TRIP12: variants seen among roughly 807,000 people sequenced by gnomAD.
TRIP12 encodes E3 ubiquitin-protein ligase TRIP12.
A neutral mutation model predicts 244.2 loss-of-function variants in TRIP12; 25 were observed. The ratio of observed to expected loss-of-function variants is 0.10; its 90% CI spans 0.07 to 0.14. The LOEUF (loss-of-function observed/expected upper bound fraction) is 0.14. Among genes scored for constraint, TRIP12 ranks in the 10% least tolerant of loss-of-function variants. TRIP12 has a pLI of 1.00. For synonymous variants in TRIP12, 905 were observed against 873.1 expected, an observed-to-expected ratio of 1.04 and a Z score of -0.64; for missense variants, 1,677 against 2,486.4, an observed-to-expected ratio of 0.67 and a Z score of 6.92.
Position 229,778,745 on chromosome 2 carries a change from A to G in TRIP12, c.5209+131T>C. The G allele has an allele frequency of 7.5e-7, 1 of 1,333,968 alleles. No individual in the cohort carries two copies. Among genetic ancestry groups the G allele is most frequent in the South Asian group, 1.4e-5 (1 of 71,966 alleles). 82.6% of individuals were successfully genotyped at this position (1,333,968 alleles called of 1,614,324 possible). Reference sequence around the variant, plus strand: ...ACTGGACAGGCCTTCCCTATTTGATAAATGAGAAAACAGAGGCTAAAAGAA... The same window carrying G: ...ACTGGACAGGCCTTCCCTATTTGATGAATGAGAAAACAGAGGCTAAAAGAA... On this transcript the variant is annotated intron_variant, in intron 35 of 41. Coordinates refer to ENST00000675903, the MANE Select transcript of TRIP12 (RefSeq NM_001348323.3). The surrounding 1 kb of genome is among the most constrained non-coding windows in gnomAD (Gnocchi z 4.1).
At position 229,766,564 on chromosome 2, in the gene TRIP12, A is replaced by G. The variant is rs185161759; in HGVS notation, c.*990T>C. 1.1e-4 allele frequency: 17 copies of G among 152,334 alleles called. No homozygotes were observed. The highest frequency in any genetic ancestry group is 4.1e-4 in the African/African-American group (17 of 41,578). The allele number at this position is 152,334 out of a possible 1,614,324, so 9.4% of individuals were successfully genotyped here. On this transcript the variant is annotated 3_prime_UTR_variant, in exon 42 of 42. Coordinates refer to ENST00000675903, the MANE Select transcript of TRIP12 (RefSeq NM_001348323.3). ...GGGAGAAGGGGAAGAGGAGCGTGGAATAAAGAAGACTATGAACAAAAACGT... is the reference window on the plus strand; with the variant it reads ...GGGAGAAGGGGAAGAGGAGCGTGGAGTAAAGAAGACTATGAACAAAAACGT...
chr2:229,904,450 C>T (rs1003646144), intron 1 of TRIP12, among the ~76,000 whole-genome samples: 1 of 143,140 alleles, frequency 7.0e-6, no homozygotes, highest in Non-Finnish European at 1.5e-5. Flanking sequence ...TTTAATCTGA[C>T]AAAAAGGGAA....
chr2:229,769,913 T>C (rs1339088209), intron 39 of TRIP12, among the ~76,000 whole-genome samples: 3 of 152,218 alleles, frequency 2.0e-5, no homozygotes, highest in East Asian at 1.9e-4. Context: ...TCCTTATACT[T>C]TGAGAAAATC....
intron 1 of TRIP12, among the ~76,000 whole-genome samples, chr2:229,906,789 C>T (rs1005220293): frequency 6.7e-6 from 1 of 150,278 alleles, no homozygotes; most frequent in Admixed American, 6.6e-5. Flanking sequence ...GACCTTGAAA[C>T]TAGGTAAAGA....
intron 4 of TRIP12, among the ~76,000 whole-genome samples, chr2:229,845,903 T>C (rs1358751166): frequency 2.6e-5 from 4 of 151,620 alleles, no homozygotes; most frequent in Admixed American, 1.3e-4. Context: ...GACACAAGCC[T>C]GTAGTCCCAG....
chr2:229,899,639 C>G (rs952713238), intron 1 of TRIP12, among the ~76,000 whole-genome samples: 1 of 152,128 alleles, frequency 6.6e-6, no homozygotes, highest in East Asian at 1.9e-4. Flanking sequence ...ACTCTAAGTA[C>G]TATTAGAGAA....
intron 38 of TRIP12, among the ~76,000 whole-genome samples, chr2:229,773,391 T>C (rs2035166162): frequency 6.6e-6 from 1 of 152,102 alleles, no homozygotes; most frequent in Admixed American, 6.5e-5. Flanking sequence ...TATATATGTA[T>C]GTATTTTTAA....
At position 229,796,661 on chromosome 2, in the gene TRIP12, T is replaced by C. The variant is rs1473028942; in HGVS notation, c.3746A>G (p.Lys1249Arg). ...TCTGCTCACAGCATCCTTTTCACTT[T>C]TAGATGTCAAATAAAGCAACAGCTG... The part of the protein sequence containing the change: ...VKQLLLYLTS[K>R]SEKDAVSREI... The change falls in exon 25 of 42, where the codon AAA becomes AGA. Residue 1249 changes from lysine to arginine, a missense_variant. By Grantham distance (26) the Lys-to-Arg change is conservative. Transcript: ENST00000675903. 1 of 1,612,788 alleles carries C rather than the reference T, an allele frequency of 6.2e-7. No individual in the cohort carries two copies. Among genetic ancestry groups the C allele is most frequent in the Non-Finnish European group, 8.5e-7 (1 of 1,179,734 alleles).
chr2:229,906,303 CAAAAAAAA>C (rs34519454), intron 1 of TRIP12, among the ~76,000 whole-genome samples: 1 of 98,976 alleles, frequency 1.0e-5, no homozygotes, highest in Non-Finnish European at 2.1e-5. Flanking sequence ...GAGACTGTCT[CAAAAAAAA>C]AAAAAAAGAA....
intron 37 of TRIP12, among the ~76,000 whole-genome samples, chr2:229,775,040 A>C (rs2035789813): frequency 6.6e-6 from 1 of 152,244 alleles, no homozygotes; most frequent in African/African-American, 2.4e-5. Flanking sequence ...AGGAGAAAGA[A>C]GACAAATGGC....
chr2:229,765,435 A>C lies in TRIP12; in HGVS notation c.*2119T>G, dbSNP rs780667090. 10 of 152,204 alleles carry C rather than the reference A, an allele frequency of 6.6e-5. No homozygotes were observed. The highest frequency in any genetic ancestry group is 1.5e-4 in the Non-Finnish European group (10 of 68,040). The allele number at this position is 152,204 out of a possible 1,614,324, so 9.4% of individuals were successfully genotyped here. On this transcript the variant is annotated 3_prime_UTR_variant, in exon 42 of 42. Transcript: ENST00000675903. ...ATTAACCAAAGGTCCCGTGTATTGA[A>C]GGAGGAATAAGCTAAAGGCTGAGGC...
chr2:229,884,792 GA>G (rs772531331), intron 1 of TRIP12, among the ~76,000 whole-genome samples: 11 of 152,056 alleles, frequency 7.2e-5, no homozygotes, highest in Non-Finnish European at 1.2e-4. Flanking sequence ...CACAGGTACA[GA>G]AACCTTGTCT....
At position 229,779,109 on chromosome 2, in the gene TRIP12, T is replaced by C. The variant is rs892947550; in HGVS notation, c.5095-119A>G. 3 of 791,540 alleles carry C rather than the reference T, an allele frequency of 3.8e-6. No homozygotes were observed. In the African/African-American group the frequency reaches 5.2e-5, roughly 14 times the overall value. 49.0% of individuals were successfully genotyped at this position (791,540 alleles called of 1,614,324 possible). A position where few individuals can be genotyped will look rare whatever the true frequency, so the allele number is the denominator to read the frequency against. ...TTTACCAGGATGCATTAGAGATTATTTTCCAAAATGTCCTGGCTGGATTTA... is the reference window on the plus strand; with the variant it reads ...TTTACCAGGATGCATTAGAGATTATCTTCCAAAATGTCCTGGCTGGATTTA... On this transcript the variant is annotated intron_variant, in intron 34 of 41. Coordinates refer to ENST00000675903, the MANE Select transcript of TRIP12 (RefSeq NM_001348323.3).
At chr2:229,915,649 A>G (rs2075243754) in intron 1 of TRIP12, among the ~76,000 whole-genome samples, 1 of 151,968 alleles carries the variant, frequency 6.6e-6, no homozygotes, top group South Asian at 2.1e-4. Flanking sequence ...AGGGCTAAAG[A>G]CTTTAAAGAA....
chr2:229,812,233 C>T (rs939643122), intron 13 of TRIP12, among the ~76,000 whole-genome samples: 10 of 151,790 alleles, frequency 6.6e-5, no homozygotes, highest in African/African-American at 1.7e-4. Context: ...TGGGATGGAC[C>T]ACCACACCCG....
At position 229,788,839 on chromosome 2, in the gene TRIP12, T is replaced by C; in HGVS notation, c.4797A>G (p.Thr1599=). The C allele has an allele frequency of 6.2e-7, 1 of 1,614,130 alleles. No individual in the cohort carries two copies. Among genetic ancestry groups the C allele is most frequent in the Non-Finnish European group, 8.5e-7 (1 of 1,179,996 alleles). ...CAGTAAGCCATGTTGGGATGTTTCC[T>C]GTCATGATTACTAAAGGATCTTGAA... ...RQLQDPLVIM[T]GNIPTWLTEL... The change falls in exon 32 of 42, where the codon ACA becomes ACG. Residue 1599 remains threonine (T), a synonymous_variant. Transcript: ENST00000675903.
At chr2:229,858,450 A>G (rs1400740597) in intron 4 of TRIP12, among the ~76,000 whole-genome samples, 1 of 152,234 alleles carries the variant, frequency 6.6e-6, no homozygotes, top group African/African-American at 2.4e-5. Flanking sequence ...TATGTGGTAT[A>G]GAAGAAAATC....
intron 4 of TRIP12, among the ~76,000 whole-genome samples, chr2:229,847,890 A>G (rs1051386386): frequency 4.6e-5 from 7 of 152,176 alleles, no homozygotes; most frequent in African/African-American, 1.7e-4. Flanking sequence ...TAAAGTACAC[A>G]GTACAAATAG....
intron 2 of TRIP12, 71 bp from the exon 3 acceptor site, chr2:229,860,602 AT>A: frequency 4.5e-6 from 6 of 1,329,476 alleles, no homozygotes; most frequent in Middle Eastern, 1.9e-4. Context: ...AAAATGAAAT[AT>A]TTTTATATAT....
Sources: gnomAD v4.1 joint callset for allele counts (sites outside exome capture counted in the v4.1 genomes callset) on GRCh38, gnomAD v4.1.1 for gene constraint, Gnocchi (gnomAD v3.1) non-coding constraint, MANE v1.5 for transcripts, NCBI Gene and HGNC (gene_info 2026-07-23, HGNC 2026-07-21) for gene names.